WHRN: variants seen among roughly 807,000 people sequenced by gnomAD.
WHRN encodes the protein whirlin, also known as CASK-interacting protein CIP98.
A neutral mutation model predicts 68.3 loss-of-function variants in WHRN; 41 were observed. That is an observed-to-expected ratio of 0.60 (90% CI 0.47 to 0.78). WHRN has a LOEUF of 0.78. Among genes scored for constraint, WHRN ranks in the 30% least tolerant of loss-of-function variants. The pLI, the probability that WHRN is intolerant of heterozygous loss-of-function variation, is 0.00. For missense variants in WHRN, 1,243 were observed against 1,244.7 expected (o/e 1.00, Z 0.02); for synonymous variants, 560 against 561.3 (o/e 1.00, Z 0.03).
At chr9:114,419,989 C>T (rs113835454) in intron 7 of WHRN, among the ~76,000 whole-genome samples, 3 of 152,288 alleles carry the variant, frequency 2.0e-5, no homozygotes, top group African/African-American at 7.2e-5. Context: ...CTACCCCGGC[C>T]CCTGGTTAAG....
rs1250685717 is a variant in WHRN, at chr9:114,424,855, G to A, written c.1203+133C>T. On this transcript the variant is annotated intron_variant, in intron 5 of 11. Transcript: ENST00000362057. ...GCAGTCAGTCACAGATAAGTGGGCT[G>A]GGGGGTGGGCAGATAAGGGGCTGCC... The A allele has an allele frequency of 5.9e-6, 6 of 1,014,234 alleles. 1 individual carries two copies. The highest frequency in any genetic ancestry group is 4.7e-5 in the African/African-American group (3 of 63,454). 62.8% of individuals were successfully genotyped at this position (1,014,234 alleles called of 1,614,324 possible).
At chr9:114,426,481 C>A (rs1205904450) in intron 3 of WHRN, 68 bp from the exon 4 acceptor site, 2 of 1,571,964 alleles carry the variant, frequency 1.3e-6, no homozygotes, top group East Asian at 4.5e-5. Context: ...GACTTCACAG[C>A]CCAGATCCCA....
chr9:114,449,403 T>C (rs913961570), intron 3 of WHRN, among the ~76,000 whole-genome samples: 1 of 152,224 alleles, frequency 6.6e-6, no homozygotes, highest in African/African-American at 2.4e-5. Flanking sequence ...ATCTCACCTT[T>C]TCCTGTGGCC....
At chr9:114,412,044 T>C (rs111787857) in intron 7 of WHRN, among the ~76,000 whole-genome samples, 5,364 of 151,698 alleles carry the variant, frequency 0.035, 97 homozygotes, top group Non-Finnish European at 0.049. Context: ...GGTGGAGGGT[T>C]GGGAGGGTGA....
At chr9:114,408,318 C>T (rs377552180) in intron 7 of WHRN, among the ~76,000 whole-genome samples, 1 of 152,174 alleles carries the variant, frequency 6.6e-6, no homozygotes, top group South Asian at 2.1e-4. Flanking sequence ...GGTTTGGCCA[C>T]GAGCGCTGTG....
intron 7 of WHRN, among the ~76,000 whole-genome samples, chr9:114,412,139 G>A (rs1320068183): frequency 1.3e-5 from 2 of 152,198 alleles, no homozygotes; most frequent in Non-Finnish European, 2.9e-5. Flanking sequence ...CCAGCCCTCT[G>A]AGCCCAGCCC....
intron 7 of WHRN, among the ~76,000 whole-genome samples, chr9:114,415,339 T>C (rs1486918105): frequency 6.6e-6 from 1 of 150,978 alleles, no homozygotes; most frequent in Non-Finnish European, 1.5e-5. Context: ...GAGTATCCCA[T>C]GGTTTTAGGG....
At chr9:114,422,768 G>T (rs1460235613) in intron 7 of WHRN, among the ~76,000 whole-genome samples, 1 of 152,210 alleles carries the variant, frequency 6.6e-6, no homozygotes, top group Non-Finnish European at 1.5e-5. Flanking sequence ...TGGGGAGGTG[G>T]AGGTTGCAGT....
In WHRN at chr9:114,493,769, T is replaced by A. The variant is rs75051816; in HGVS notation, c.618+10415A>T. ...CCCAATGCCACCTCTGTCCCTGAAA[T>A]CTAGTCAATAAAATGCATACAGTGT... On this transcript the variant is annotated intron_variant, in intron 1 of 11. Transcript: ENST00000362057. Among the ~76,000 whole-genome samples the A allele has an allele frequency of 1.3e-3, 191 of 152,234 alleles. 1 individual carries two copies. The highest frequency in any genetic ancestry group is 2.3e-3 in the Non-Finnish European group (154 of 67,994).
chr9:114,483,557 G>A (rs1842254564), intron 1 of WHRN, among the ~76,000 whole-genome samples: 1 of 152,082 alleles, frequency 6.6e-6, no homozygotes, highest in African/African-American at 2.4e-5. Context: ...GCCACCTGGG[G>A]GATCGCGAGA....
At chr9:114,443,905 G>A (rs1184546702) in intron 3 of WHRN, among the ~76,000 whole-genome samples, 2 of 152,336 alleles carry the variant, frequency 1.3e-5, no homozygotes, top group East Asian at 1.9e-4. Context: ...GGAGGAAGGT[G>A]AAAGGCACGT....
At chr9:114,445,007 T>C (rs573891748) in intron 3 of WHRN, among the ~76,000 whole-genome samples, 138 of 152,070 alleles carry the variant, frequency 9.1e-4, no homozygotes, top group Admixed American at 2.2e-3. Flanking sequence ...ACAGTGAACA[T>C]ACTTTACTTT....
chr9:114,407,942 C>T lies in WHRN; in HGVS notation c.1698+5G>A. ...GCAGAACCAAAGGGCCAGCCAGGGCCTTACCACGGACACATCTGGGAGGGC... is the reference window on the plus strand; with the variant it reads ...GCAGAACCAAAGGGCCAGCCAGGGCTTTACCACGGACACATCTGGGAGGGC... On this transcript the variant is annotated splice_donor_5th_base_variant and intron_variant, in intron 8 of 11. Transcript: ENST00000362057. 6.3e-7 allele frequency: 1 copy of T among 1,598,032 alleles called. No individual in the cohort carries two copies.
At position 114,426,365 on chromosome 9, in the gene WHRN, G is replaced by A. The variant is rs1836861401; in HGVS notation, c.1012C>T (p.Leu338=). Residue 338 remains leucine, a synonymous_variant, in exon 4 of 12, where the codon CTA becomes TTA. Transcript: ENST00000362057. Reference sequence around the variant, plus strand: ...AGCAGCCTGACAGCCTCGTCGTGTAGGATGTTGAGAAAGCTCCGCCCATTC... The same window carrying A: ...AGCAGCCTGACAGCCTCGTCGTGTAAGATGTTGAGAAAGCTCCGCCCATTC... ...EVNGRSFLNI[L]HDEAVRLLKS... is the part of the protein sequence containing the mutation. 6.2e-7 allele frequency: 1 copy of A among 1,614,022 alleles called. No individual in the cohort carries two copies. Among genetic ancestry groups the A allele is most frequent in the South Asian group, 1.1e-5 (1 of 91,092 alleles).
chr9:114,491,888 G>A (rs1007407716), intron 1 of WHRN: 1 of 263,818 alleles, frequency 3.8e-6, no homozygotes, highest in Non-Finnish European at 7.4e-6. Flanking sequence ...TCCCTTTTGT[G>A]CTTCCTTCCC....
In WHRN at chr9:114,404,074, G is replaced by A. The variant is rs755883346; in HGVS notation, c.2240C>T (p.Ala747Val). ...GTCCGAGAGCTGGGAGAGCGTAGAGGCTGCTGGAGAGGGGAAAAGGAAGAG... is the reference window on the plus strand; with the variant it reads ...GTCCGAGAGCTGGGAGAGCGTAGAGACTGCTGGAGAGGGGAAAAGGAAGAG... ...EVRALPQTRT[A>V]STLSQLSDSG... Residue 747 changes from alanine (A) to valine (V), a missense_variant, in exon 10 of 12, where the codon GCC becomes GTC. By Grantham distance (64) the Ala-to-Val change is moderately conservative. Coordinates refer to ENST00000362057, the MANE Select transcript of WHRN (RefSeq NM_015404.4). 1 of 1,612,834 alleles carries A rather than the reference G, an allele frequency of 6.2e-7. No homozygotes were observed.
Position 114,473,287 on chromosome 9 carries a change from A to G in WHRN, c.837+5266T>C, listed in dbSNP as rs62555173. ...TCCTGCCCGCATCATTCCTCCGAGCAGATTCCAGATGCTGACCAAGATGAC... is the reference window on the plus strand; with the variant it reads ...TCCTGCCCGCATCATTCCTCCGAGCGGATTCCAGATGCTGACCAAGATGAC... On this transcript the variant is annotated intron_variant, in intron 2 of 11. Coordinates refer to ENST00000362057, the MANE Select transcript of WHRN (RefSeq NM_015404.4). Among the ~76,000 whole-genome samples the G allele has an allele frequency of 3.0e-3, 453 of 152,356 alleles. 3 individuals carry two copies. The highest frequency in any genetic ancestry group is 6.8e-3 in the Middle Eastern group (2 of 294).
chr9:114,433,456 T>C (rs561451817), intron 3 of WHRN, among the ~76,000 whole-genome samples: 11 of 152,368 alleles, frequency 7.2e-5, no homozygotes, highest in African/African-American at 2.2e-4. Flanking sequence ...TGTGTTAAAA[T>C]GGATCTTGCG....
chr9:114,427,012 C>T (rs1297189374), intron 3 of WHRN, among the ~76,000 whole-genome samples: 1 of 152,152 alleles, frequency 6.6e-6, no homozygotes, highest in African/African-American at 2.4e-5. Flanking sequence ...TGCCTGTAAT[C>T]CCAGAGCTTT....
Sources: allele counts gnomAD v4.1 joint callset (sites outside exome capture counted in the v4.1 genomes callset), GRCh38; gene constraint gnomAD v4.1.1; transcripts MANE v1.5; gene names NCBI Gene and HGNC (gene_info 2026-07-23, HGNC 2026-07-21).